The following PTGIS variants were observed in gnomAD, a reference collection of about 807,000 sequenced individuals.
PTGIS encodes prostaglandin I2 synthase.
In PTGIS, 45 loss-of-function variants were observed where a neutral mutation model predicts 50.3. That is an observed-to-expected ratio of 0.90 (90% CI 0.70 to 1.15). The LOEUF is 1.15. PTGIS is among the 50% of genes most tolerant of loss of function. The pLI is 0.00. For missense variants in PTGIS, 668 were observed against 661.3 expected (o/e 1.01, Z -0.11); for synonymous variants, 260 against 267.7 (o/e 0.97, Z 0.28).
At chr20:49,544,543 C>G (rs1441538434) in intron 3 of PTGIS, 95 bp from the exon 4 acceptor site, 18 of 1,425,796 alleles carry the variant, frequency 1.3e-5, no homozygotes, top group Non-Finnish European at 1.8e-5. Context: ...TCCCAGAGCT[C>G]AAGCTCCCCA....
At chr20:49,547,630 CA>C (rs1225558508) in intron 3 of PTGIS, among the ~76,000 whole-genome samples, 3 of 152,008 alleles carry the variant, frequency 2.0e-5, no homozygotes. Context: ...AACAAACAAA[CA>C]AACAAAAAAA....
At chr20:49,526,059 C>T (rs1020156551) in intron 5 of PTGIS, among the ~76,000 whole-genome samples, 3 of 152,224 alleles carry the variant, frequency 2.0e-5, no homozygotes, top group Admixed American at 6.5e-5. Flanking sequence ...AAGTGTTCAA[C>T]TGAAATACAT....
chr20:49,512,862 A>G (rs1601178176), intron 8 of PTGIS, among the ~76,000 whole-genome samples: 1 of 151,944 alleles, frequency 6.6e-6, no homozygotes, highest in African/African-American at 2.4e-5. Context: ...CTGCTTATGC[A>G]TGATCCCATT....
Position 49,539,737 on chromosome 20 carries a change from A to C in PTGIS, c.522-16T>G, listed in dbSNP as rs1265637355. 6.2e-7 allele frequency: 1 copy of C among 1,607,114 alleles called. No homozygotes were observed. Among genetic ancestry groups the C allele is most frequent in the Non-Finnish European group, 8.5e-7 (1 of 1,179,204 alleles). On this transcript the variant is annotated splice_polypyrimidine_tract_variant and intron_variant, in intron 4 of 9. Transcript: ENST00000244043. ...GTAGCCGGCTCTGGGGGCGGCAGAC[A>C]GAGGGTCAGGGGTCCTCCTGGGACA...
At chr20:49,514,467 C>G in intron 6 of PTGIS, 72 bp from the exon 7 acceptor site, 1 of 1,555,802 alleles carries the variant, frequency 6.4e-7, no homozygotes. Flanking sequence ...GGACACAGCT[C>G]GGGCCAAGAC....
chr20:49,528,776 C>T (rs1435011365), intron 5 of PTGIS, among the ~76,000 whole-genome samples: 2 of 152,112 alleles, frequency 1.3e-5, no homozygotes, highest in African/African-American at 4.8e-5. Flanking sequence ...AGCAAAGTGC[C>T]AGCAACCACG....
intron 6 of PTGIS, 89 bp downstream of exon 6, chr20:49,523,969 A>C (rs1981723491): frequency 6.7e-7 from 1 of 1,485,904 alleles, no homozygotes; most frequent in African/African-American, 1.4e-5. Flanking sequence ...GCACACCTGC[A>C]CAGGTGCACA....
intron 4 of PTGIS, 134 bp from the exon 5 acceptor site, chr20:49,539,855 A>G: frequency 7.9e-7 from 1 of 1,267,282 alleles, no homozygotes; most frequent in East Asian, 2.5e-5. Context: ...CATTCTGGGC[A>G]CTGAACAGTC....
intron 1 of PTGIS, among the ~76,000 whole-genome samples, chr20:49,551,810 G>GCA (rs1416162152): frequency 2.4e-5 from 2 of 84,454 alleles, no homozygotes; most frequent in African/African-American, 2.7e-4. Flanking sequence ...ATGTGTTTGT[G>GCA]TGTGTGTGTG....
At chr20:49,510,717 G>A (rs753042433) in intron 9 of PTGIS, among the ~76,000 whole-genome samples, 8 of 152,206 alleles carry the variant, frequency 5.3e-5, no homozygotes, top group Non-Finnish European at 8.8e-5. Flanking sequence ...AGCAGCTGCA[G>A]ACGGGTAGCT....
intron 5 of PTGIS, among the ~76,000 whole-genome samples, chr20:49,537,648 A>G (rs371869997): frequency 3.3e-5 from 5 of 152,096 alleles, no homozygotes; most frequent in African/African-American, 1.2e-4. Flanking sequence ...CCAGCTACTC[A>G]GGAGGCTGAG....
At chr20:49,550,285 G>T in intron 1 of PTGIS, 96 bp from the exon 2 acceptor site, 28 of 1,514,804 alleles carry the variant, frequency 1.8e-5, no homozygotes, top group Non-Finnish European at 2.5e-5. Context: ...AGCAGTCGGG[G>T]AGGTAATCTG....
chr20:49,542,313 A>G (rs1982251484), intron 4 of PTGIS, among the ~76,000 whole-genome samples: 1 of 152,202 alleles, frequency 6.6e-6, no homozygotes, highest in Non-Finnish European at 1.5e-5. Flanking sequence ...CTCCCATCCA[A>G]CTGGCCCATT....
At position 49,507,331 on chromosome 20, in the gene PTGIS, G is replaced by T. The variant is rs1246917449; in HGVS notation, c.*589C>A. ...CGGGAATGCATCAGCCTTGGGGGAA[G>T]CTCTCCTGCATTTTCTCAAGTAGTG... is the stretch of plus-strand genomic sequence containing the variant. On this transcript the variant is annotated 3_prime_UTR_variant, in exon 10 of 10. Coordinates refer to ENST00000244043, the MANE Select transcript of PTGIS (RefSeq NM_000961.4). 1 of 186,272 alleles carries T rather than the reference G, an allele frequency of 5.4e-6. No homozygotes were observed. The highest frequency in any genetic ancestry group is 1.1e-5 in the Non-Finnish European group (1 of 88,292). 11.5% of individuals were successfully genotyped at this position (186,272 alleles called of 1,614,324 possible).
intron 6 of PTGIS, among the ~76,000 whole-genome samples, chr20:49,517,453 A>AGTGT (rs34021649): frequency 1.3e-3 from 189 of 149,256 alleles, no homozygotes; most frequent in African/African-American, 4.1e-3. Flanking sequence ...TGTGAGTGTG[A>AGTGT]GTGTGTGTGT....
At chr20:49,529,532 C>T (rs983010333) in intron 5 of PTGIS, among the ~76,000 whole-genome samples, 5 of 152,160 alleles carry the variant, frequency 3.3e-5, no homozygotes, top group Admixed American at 6.5e-5. Flanking sequence ...TTTCCATCAC[C>T]CATAGTCAAC....
intron 1 of PTGIS, among the ~76,000 whole-genome samples, chr20:49,564,171 T>C (rs955593498): frequency 2.0e-5 from 3 of 152,258 alleles, no homozygotes; most frequent in Non-Finnish European, 4.4e-5. Flanking sequence ...ATTATCTTTT[T>C]ATATTCTCAG....
chr20:49,541,820 G>A (rs1442443555), intron 4 of PTGIS, among the ~76,000 whole-genome samples: 1 of 152,206 alleles, frequency 6.6e-6, no homozygotes, highest in Non-Finnish European at 1.5e-5. Flanking sequence ...CTGTGGAAGC[G>A]AAGCCGGCAG....
intron 7 of PTGIS, among the ~76,000 whole-genome samples, chr20:49,513,624 C>T (rs953700062): frequency 6.6e-6 from 1 of 152,116 alleles, no homozygotes; most frequent in Non-Finnish European, 1.5e-5. Flanking sequence ...AGGGTCCACC[C>T]CTCTCTCATT....
Sources: allele counts gnomAD v4.1 joint callset (sites outside exome capture counted in the v4.1 genomes callset), GRCh38; gene constraint gnomAD v4.1.1; transcripts MANE v1.5; gene names NCBI Gene and HGNC (gene_info 2026-07-23, HGNC 2026-07-21).